SLC6A11: variants seen among roughly 807,000 people sequenced by gnomAD.
SLC6A11 encodes solute carrier family 6 member 11, also known as sodium- and chloride-dependent GABA transporter 3.
SLC6A11 carries 25 observed loss-of-function variants against 74.8 expected under a neutral mutation model. The observed-to-expected ratio is 0.33, with a 90% CI of 0.24 to 0.47. The LOEUF is 0.47. SLC6A11 is among the 20% of genes least tolerant of loss of function. SLC6A11 has a pLI of 1.00. For missense variants in SLC6A11, 574 were observed against 837.0 expected, an observed-to-expected ratio of 0.69 and a Z score of 3.88; for synonymous variants, 330 against 330.2, an observed-to-expected ratio of 1.00 and a Z score of 0.01.
chr3:10,926,572 C>T lies in SLC6A11; in HGVS notation c.1233+456C>T, dbSNP rs1695610218. On this transcript the variant is annotated intron_variant, in intron 9 of 13. Coordinates refer to ENST00000254488, the MANE Select transcript of SLC6A11 (RefSeq NM_014229.3). This position sits in a 1 kb window ranked among gnomAD's most constrained non-coding sequence, Gnocchi z 5.7. ...CATAGAAAAGCACCTCCTCTTCCTC[C>T]ATCTCTGTCCTGGATGCCACCACCA... Among the ~76,000 whole-genome samples, 1 of 152,102 alleles carries T rather than the reference C, an allele frequency of 6.6e-6. No homozygotes were observed. Among genetic ancestry groups the T allele is most frequent in the Non-Finnish European group, 1.5e-5 (1 of 68,022 alleles).
At chr3:10,845,006 A>T (rs758773792) in intron 5 of SLC6A11, among the ~76,000 whole-genome samples, 1 of 152,192 alleles carries the variant, frequency 6.6e-6, no homozygotes, top group Non-Finnish European at 1.5e-5. Context: ...AGAGGGGACC[A>T]TGGGGACATC....
rs74943832 is a variant in SLC6A11, at chr3:10,900,803, C to T, written c.892-11287C>T. On this transcript the variant is annotated intron_variant, in intron 6 of 13. Transcript: ENST00000254488. Reference sequence around the variant, plus strand: ...GCTGAAGTCTGGCTTGGTCTGGGAGCCCCTAGCCCAGTGCTGCCCATGGGA... The same window carrying T: ...GCTGAAGTCTGGCTTGGTCTGGGAGTCCCTAGCCCAGTGCTGCCCATGGGA... 7.7e-3 allele frequency among the ~76,000 whole-genome samples: 1,174 copies of T among 152,274 alleles called. 4 individuals carry two copies. The highest frequency in any genetic ancestry group is 0.027 in the East Asian group (138 of 5,162).
At chr3:10,874,089 A>G (rs115137241) in intron 5 of SLC6A11, among the ~76,000 whole-genome samples, 175 of 152,276 alleles carry the variant, frequency 1.1e-3, no homozygotes, top group African/African-American at 4.0e-3. Context: ...TTAACTATGC[A>G]TACTTAACTT....
chr3:10,863,870 C>T (rs982829760), intron 5 of SLC6A11, among the ~76,000 whole-genome samples: 2 of 152,042 alleles, frequency 1.3e-5, no homozygotes, highest in Non-Finnish European at 2.9e-5. Flanking sequence ...CCGAGGGGTC[C>T]GTTCGGGGCT....
intron 8 of SLC6A11, among the ~76,000 whole-genome samples, chr3:10,923,660 C>T (rs1695564673): frequency 6.6e-6 from 1 of 152,074 alleles, no homozygotes; most frequent in Non-Finnish European, 1.5e-5. Context: ...CAAGACCCAC[C>T]AATGGATACT....
chr3:10,925,875 A>C (rs975892271), intron 8 of SLC6A11, 129 bp from the exon 9 acceptor site: 9 of 654,754 alleles, frequency 1.4e-5, no homozygotes, highest in Non-Finnish European at 2.2e-5. Flanking sequence ...GGGAAACAGA[A>C]GTGATTTGAG....
chr3:10,849,897 G>A (rs1694552488), intron 5 of SLC6A11, among the ~76,000 whole-genome samples: 1 of 149,756 alleles, frequency 6.7e-6, no homozygotes, highest in South Asian at 2.1e-4. Context: ...TCCAGGGATT[G>A]GCCAACTGTG....
chr3:10,932,051 C>CT (rs59760722), intron 10 of SLC6A11, among the ~76,000 whole-genome samples: 1 of 151,950 alleles, frequency 6.6e-6, no homozygotes, highest in East Asian at 1.9e-4. Context: ...CTCTTTGACA[C>CT]TTTTATTTCC....
rs972302138 is a variant in SLC6A11 at position 10,819,980 on chromosome 3, G to T, written c.532+128G>T. The T allele has an allele frequency of 1.4e-5, 14 of 974,802 alleles. No homozygotes were observed. The African/African-American group carries it at 2.3e-4, about 16-fold the overall frequency. The allele number at this position is 974,802 out of a possible 1,614,324, so 60.4% of individuals were successfully genotyped here. ...GAGTCCAGTTTTCTAGGGTAGTCTTGCTGAAACTGGGGTCAGCTCTGCACC... is the reference window on the plus strand; with the variant it reads ...GAGTCCAGTTTTCTAGGGTAGTCTTTCTGAAACTGGGGTCAGCTCTGCACC... On this transcript the variant is annotated intron_variant, in intron 3 of 13. Transcript: ENST00000254488.
At position 10,902,725 on chromosome 3, in the gene SLC6A11, A is replaced by G. The variant is rs539266468; in HGVS notation, c.892-9365A>G. Among the ~76,000 whole-genome samples, 10 of 152,242 alleles carry G rather than the reference A, an allele frequency of 6.6e-5. No homozygotes were observed. In the East Asian group the frequency reaches 1.5e-3, roughly 24 times the overall value. ...AAGGCTCAAAGCATGGAGCCTGGCT[A>G]GAGCTATCTTGTTTAACTTAGGCCC... On this transcript the variant is annotated intron_variant, in intron 6 of 13. Coordinates refer to ENST00000254488, the MANE Select transcript of SLC6A11 (RefSeq NM_014229.3).
chr3:10,897,974 C>T (rs1409328110), intron 6 of SLC6A11, among the ~76,000 whole-genome samples: 2 of 152,244 alleles, frequency 1.3e-5, no homozygotes, highest in Non-Finnish European at 2.9e-5. Flanking sequence ...GATTTATGTG[C>T]ACTCCCAGGC....
chr3:10,832,936 G>A (rs541891762), intron 4 of SLC6A11, among the ~76,000 whole-genome samples: 1 of 152,168 alleles, frequency 6.6e-6, no homozygotes, highest in Non-Finnish European at 1.5e-5. Flanking sequence ...AAGTAGGAAG[G>A]GGCATGCCAA....
At chr3:10,878,188 C>T (rs902033403) in intron 6 of SLC6A11, among the ~76,000 whole-genome samples, 7 of 152,110 alleles carry the variant, frequency 4.6e-5, no homozygotes, top group Non-Finnish European at 1.0e-4. Flanking sequence ...ATGGTGGGGT[C>T]CCTACTGTCC....
At chr3:10,897,738 A>G (rs947883612) in intron 6 of SLC6A11, among the ~76,000 whole-genome samples, 4 of 152,100 alleles carry the variant, frequency 2.6e-5, no homozygotes, top group African/African-American at 9.7e-5. Context: ...CAGTGTATCT[A>G]CCATTCTGGG....
At chr3:10,833,328 C>T (rs892705395) in intron 4 of SLC6A11, among the ~76,000 whole-genome samples, 3 of 152,212 alleles carry the variant, frequency 2.0e-5, no homozygotes, top group Non-Finnish European at 2.9e-5. Context: ...TCCCAAAGTG[C>T]TGGGATTACA....
chr3:10,853,477 C>A (rs1301855336), intron 5 of SLC6A11, among the ~76,000 whole-genome samples: 1 of 152,174 alleles, frequency 6.6e-6, no homozygotes, highest in Non-Finnish European at 1.5e-5. Flanking sequence ...CCCCTCCATC[C>A]CTGTTGCCAC....
In SLC6A11 at chr3:10,872,741, G is replaced by A. The variant is rs146899790; in HGVS notation, c.757-2220G>A. ...AAAGGAATACATGAATGAACAAATG[G>A]GTGGAGGACTGAAGCACTGGTCAAA... On this transcript the variant is annotated intron_variant, in intron 5 of 13. Coordinates refer to ENST00000254488, the MANE Select transcript of SLC6A11 (RefSeq NM_014229.3). Among the ~76,000 whole-genome samples the A allele has an allele frequency of 6.7e-4, 102 of 152,324 alleles. 2 individuals are homozygous for A. The East Asian group carries it at 0.017, about 26-fold the overall frequency.
chr3:10,823,158 A>T (rs1694159160), intron 3 of SLC6A11, 144 bp from the exon 4 acceptor site: 1 of 637,628 alleles, frequency 1.6e-6, no homozygotes, highest in South Asian at 1.8e-5. Flanking sequence ...TAAAGTATTG[A>T]TTTTCCCCAC....
In SLC6A11 at chr3:10,857,831, T is replaced by G. The variant is rs529655847; in HGVS notation, c.756+13485T>G. ...ACAGATAAGTTCAAGAAAATTGATA[T>G]GATGCCCTAGCTATATTATAAAGGA... On this transcript the variant is annotated intron_variant, in intron 5 of 13. Coordinates refer to ENST00000254488, the MANE Select transcript of SLC6A11 (RefSeq NM_014229.3). Among the ~76,000 whole-genome samples, 11 of 152,272 alleles carry G rather than the reference T, an allele frequency of 7.2e-5. No individual in the cohort carries two copies. In the South Asian group the frequency reaches 1.7e-3, roughly 23 times the overall value.
Sources: allele counts gnomAD v4.1 joint callset (sites outside exome capture counted in the v4.1 genomes callset), GRCh38; gene constraint gnomAD v4.1.1; non-coding constraint Gnocchi (gnomAD v3.1); transcripts MANE v1.5; gene names NCBI Gene and HGNC (gene_info 2026-07-23, HGNC 2026-07-21).